Variants in COQ10B observed in about 807,000 individuals in gnomAD.
The protein encoded by COQ10B is coenzyme Q10B.
In COQ10B, 12 loss-of-function variants were observed where a neutral mutation model predicts 27.6. The observed-to-expected ratio is 0.43, with a 90% confidence interval of 0.28 to 0.70. COQ10B has a LOEUF of 0.70. Among genes scored for constraint, COQ10B ranks in the 30% least tolerant of loss-of-function variants. The pLI is 0.17. For synonymous variants in COQ10B, 115 were observed against 103.0 expected (o/e 1.12, Z -0.71); for missense variants, 278 against 288.7 (o/e 0.96, Z 0.27).
At chr2:197,455,936 G>C (rs2085693691) in intron 1 of COQ10B, among the ~76,000 whole-genome samples, 1 of 151,980 alleles carries the variant, frequency 6.6e-6, no homozygotes, top group African/African-American at 2.4e-5. Context: ...TCCAGCGTGG[G>C]TGATGGAGTG....
intron 1 of COQ10B, among the ~76,000 whole-genome samples, chr2:197,456,506 T>A (rs6738822): frequency 0.023 from 3,420 of 150,220 alleles, 119 homozygotes; most frequent in African/African-American, 0.081. Flanking sequence ...GGCTCACGCT[T>A]GTAATCCCAG....
chr2:197,458,966 C>T (rs2085728624), intron 1 of COQ10B, among the ~76,000 whole-genome samples: 1 of 152,156 alleles, frequency 6.6e-6, no homozygotes, highest in Admixed American at 6.5e-5. Flanking sequence ...AGGCATGAGC[C>T]ACCTCACCCA....
chr2:197,456,502 C>T (rs1345895194), intron 1 of COQ10B, among the ~76,000 whole-genome samples: 13 of 139,004 alleles, frequency 9.4e-5, no homozygotes, highest in Non-Finnish European at 1.9e-4. Context: ...CAGTGGCTCA[C>T]GCTTGTAATC....
intron 3 of COQ10B, among the ~76,000 whole-genome samples, chr2:197,468,332 A>G (rs1260873965): frequency 6.6e-6 from 1 of 150,720 alleles, no homozygotes; most frequent in Non-Finnish European, 1.5e-5. Flanking sequence ...AGTCCCAGCT[A>G]TTTGAGAGGC....
intron 4 of COQ10B, among the ~76,000 whole-genome samples, chr2:197,473,478 GTATATATA>G (rs1265561483): frequency 2.3e-5 from 2 of 86,204 alleles, no homozygotes; most frequent in Non-Finnish European, 4.5e-5. Context: ...ATATATACAC[GTATATATA>G]TGTATATACG....
intron 3 of COQ10B, 152 bp from the exon 4 acceptor site, chr2:197,469,918 C>T (rs1011614797): frequency 4.6e-6 from 2 of 435,314 alleles, no homozygotes; most frequent in African/African-American, 4.1e-5. Context: ...TTCCTAGTAC[C>T]AAGCTAAAAA....
intron 3 of COQ10B, among the ~76,000 whole-genome samples, chr2:197,467,305 CTT>C (rs2085834857): frequency 6.7e-6 from 1 of 150,070 alleles, no homozygotes; most frequent in South Asian, 2.1e-4. Flanking sequence ...GAGTTTCGCT[CTT>C]GTTACCCAGG....
intron 3 of COQ10B, among the ~76,000 whole-genome samples, chr2:197,463,996 TACAC>T (rs1241115366): frequency 0.013 from 415 of 32,810 alleles, 6 homozygotes; most frequent in Non-Finnish European, 0.015. Flanking sequence ...TATATATATA[TACAC>T]ACACACACAC....
intron 4 of COQ10B, among the ~76,000 whole-genome samples, chr2:197,473,426 A>G (rs2085902616): frequency 1.0e-5 from 1 of 100,470 alleles, no homozygotes; most frequent in South Asian, 3.6e-4. Context: ...ATATATATAT[A>G]TATATATATA....
At chr2:197,462,315 A>G (rs1241610984) in intron 2 of COQ10B, among the ~76,000 whole-genome samples, 2 of 151,560 alleles carry the variant, frequency 1.3e-5, no homozygotes, top group African/African-American at 4.8e-5. Flanking sequence ...TCAACCTGTG[A>G]GATGCCAAAT....
chr2:197,458,267 A>G (rs2106046208), intron 1 of COQ10B, among the ~76,000 whole-genome samples: 1 of 152,216 alleles, frequency 6.6e-6, no homozygotes, highest in African/African-American at 2.4e-5. Flanking sequence ...AAATGCTACT[A>G]ATGCCTATGT....
In COQ10B at chr2:197,453,590, G is replaced by T. The variant is rs990848208; in HGVS notation, c.30G>T (p.Leu10Phe). ...CAGCTCGGACTGGTCATACGGCCTTGAGAAGGGTAGTCTCGGGATGCCGTC... is the reference window on the plus strand; with the variant it reads ...CAGCTCGGACTGGTCATACGGCCTTTAGAAGGGTAGTCTCGGGATGCCGTC... MAARTGHTALRRVVSGCRPK... is the reference protein window; with the variant it reads MAARTGHTAFRRVVSGCRPK... Residue 10 changes from leucine to phenylalanine, a missense_variant, in exon 1 of 5, where the codon TTG becomes TTT. Leu to Phe is a conservative substitution (Grantham distance 22, BLOSUM62 0). Around this residue, in one of 3 missense-constraint regions of COQ10B, gnomAD observed 183 missense variants for 158.2 expected, o/e 1.16. Transcript: ENST00000263960. 6.2e-7 allele frequency: 1 copy of T among 1,614,112 alleles called. No individual in the cohort carries two copies.
At chr2:197,454,128 C>G (rs1381219669) in intron 1 of COQ10B, 2 of 1,550,488 alleles carry the variant, frequency 1.3e-6, no homozygotes, top group African/African-American at 2.7e-5. Context: ...GTGCTTTGCC[C>G]TCGCCATTTA....
chr2:197,473,488 GTATATACGTATA>G (rs1331412432), intron 4 of COQ10B, among the ~76,000 whole-genome samples: 21 of 107,420 alleles, frequency 2.0e-4, no homozygotes, highest in Admixed American at 1.2e-3. Flanking sequence ...GTATATATAT[GTATATACGTATA>G]TATATACGTA....
At chr2:197,460,520 G>C (rs1417043969) in intron 2 of COQ10B, among the ~76,000 whole-genome samples, 1 of 152,030 alleles carries the variant, frequency 6.6e-6, no homozygotes, top group Non-Finnish European at 1.5e-5. Flanking sequence ...AATATTTGTT[G>C]AATGAATATA....
At chr2:197,473,275 G>A (rs1472791432) in intron 4 of COQ10B, among the ~76,000 whole-genome samples, 1 of 150,886 alleles carries the variant, frequency 6.6e-6, no homozygotes, top group African/African-American at 2.4e-5. Flanking sequence ...CTTTCTGGCT[G>A]GGCACAGTGG....
intron 4 of COQ10B, among the ~76,000 whole-genome samples, chr2:197,473,435 TATATATACAC>T (rs1190408264): frequency 1.9e-5 from 2 of 102,784 alleles, no homozygotes; most frequent in Non-Finnish European, 4.0e-5. Flanking sequence ...TATATATATA[TATATATACAC>T]ATATATACAT....
At chr2:197,455,199 C>T (rs1293064069) in intron 1 of COQ10B, among the ~76,000 whole-genome samples, 1 of 151,818 alleles carries the variant, frequency 6.6e-6, no homozygotes, top group East Asian at 1.9e-4. Flanking sequence ...ATACATGAAC[C>T]TTTATATATA....
Position 197,453,607 on chromosome 2 carries a change from G to T in COQ10B, c.47G>T (p.Gly16Val), listed in dbSNP as rs757132210. 2.2e-5 allele frequency: 36 copies of T among 1,613,944 alleles called. No individual in the cohort carries two copies. The highest frequency in any genetic ancestry group is 3.1e-5 in the Non-Finnish European group (36 of 1,180,012). ...GHTALRRVVS[G>V]CRPKSATAAG... Reference sequence around the variant, plus strand: ...ACGGCCTTGAGAAGGGTAGTCTCGGGATGCCGTCCGAAGTCGGCGACAGCG... The same window carrying T: ...ACGGCCTTGAGAAGGGTAGTCTCGGTATGCCGTCCGAAGTCGGCGACAGCG... The change falls in exon 1 of 5, where the codon GGA becomes GTA. Residue 16 changes from glycine to valine, a missense_variant. This residue lies in a region of COQ10B where 183 missense variants were observed against 158.2 expected (regional missense o/e 1.16). Coordinates refer to ENST00000263960, the MANE Select transcript of COQ10B (RefSeq NM_025147.5).
Sources: allele counts gnomAD v4.1 joint callset (sites outside exome capture counted in the v4.1 genomes callset), GRCh38; gene constraint gnomAD v4.1.1; regional missense constraint gnomAD v4.1.1; transcripts MANE v1.5; gene names NCBI Gene and HGNC (gene_info 2026-07-23, HGNC 2026-07-21).